SPTBN5: variants seen among roughly 807,000 people sequenced by gnomAD.
SPTBN5 encodes spectrin beta chain, non-erythrocytic 5.
SPTBN5 carries 513 observed loss-of-function variants against 477.6 expected under a neutral mutation model. The ratio of observed to expected loss-of-function variants is 1.07; its 90% CI spans 1.00 to 1.16. The LOEUF is 1.16. Ranked by LOEUF, SPTBN5 falls within the 50% of genes most tolerant of loss-of-function variation. The pLI, the probability that SPTBN5 is intolerant of heterozygous loss-of-function variation, is 0.00. For missense variants in SPTBN5, 5,062 were observed against 4,731.8 expected, an observed-to-expected ratio of 1.07 and a Z score of -2.05; for synonymous variants, 2,169 against 2,011.7, an observed-to-expected ratio of 1.08 and a Z score of -2.09.
chr15:41,883,106 C>A lies in SPTBN5; in HGVS notation c.1782G>T (p.Gln594His). 1 of 1,610,524 alleles carries A rather than the reference C, an allele frequency of 6.2e-7. No homozygotes were observed. Among genetic ancestry groups the A allele is most frequent in the South Asian group, 1.1e-5 (1 of 90,326 alleles). Residue 594 changes from glutamine to histidine, a missense_variant, in exon 9 of 68, where the codon CAG (glutamine) becomes CAT (histidine). Gln to His is a conservative substitution (Grantham distance 24). Transcript: ENST00000320955. ...GGGAGGAGTCCAGCTCTGCTGTCTG[C>A]TGAGCAAGATGGCTCACATGGGCTC... Reference protein sequence around the residue: ...AHGAHVSHLAQQTAELDSSLG... With the variant: ...AHGAHVSHLAHQTAELDSSLG...
chr15:41,874,232 G>C, intron 24 of SPTBN5, 60 bp downstream of exon 24: 3 of 1,557,366 alleles, frequency 1.9e-6, no homozygotes, highest in Non-Finnish European at 2.6e-6. Flanking sequence ...TAGGGGCAGA[G>C]GGTTTCTAAG....
intron 67 of SPTBN5, among the ~76,000 whole-genome samples, chr15:41,849,467 C>A (rs1421028686): frequency 6.6e-6 from 1 of 152,084 alleles, no homozygotes; most frequent in Admixed American, 6.5e-5. Context: ...ATGTGCTGTG[C>A]CTTGGAGAGG....
intron 39 of SPTBN5, among the ~76,000 whole-genome samples, 175 bp from the exon 40 acceptor site, chr15:41,864,199 C>T (rs900920193): frequency 5.3e-5 from 8 of 152,336 alleles, no homozygotes; most frequent in Admixed American, 2.0e-4. Flanking sequence ...GAGGTCACCC[C>T]GTCCAGGTGA....
At position 41,875,515 on chromosome 15, in the gene SPTBN5, C is replaced by A. The variant is rs1311978908; in HGVS notation, c.4230G>T (p.Glu1410Asp). Residue 1410 changes from glutamate (E) to aspartate (D), a missense_variant, in exon 22 of 68, where the codon GAG (glutamate) becomes GAT (aspartate). By Grantham distance (45) the Glu-to-Asp change is conservative. Transcript: ENST00000320955. Reference protein sequence around the residue: ...KWEALNRKMTERGDELQQAGQ... With the variant: ...KWEALNRKMTDRGDELQQAGQ... ...CAGCCTGCTGGAGCTCGTCCCCACG[C>A]TCAGTCATCTTGCGGTTCAAAGCTT... 5.0e-6 allele frequency: 8 copies of A among 1,612,654 alleles called. No individual in the cohort carries two copies. Among genetic ancestry groups the A allele is most frequent in the Non-Finnish European group, 6.8e-6 (8 of 1,179,482 alleles).
intron 41 of SPTBN5, among the ~76,000 whole-genome samples, chr15:41,863,487 C>T (rs1466168716): frequency 6.6e-6 from 1 of 152,206 alleles, no homozygotes; most frequent in East Asian, 1.9e-4. Flanking sequence ...GGGAATCCCC[C>T]ACTGAGCTCG....
At chr15:41,850,960 T>G in intron 65 of SPTBN5, 21 bp from the exon 66 acceptor site, 1 of 1,595,166 alleles carries the variant, frequency 6.3e-7, no homozygotes. Context: ...CAGTCACAGG[T>G]CAAACTCCAC....
intron 29 of SPTBN5, 86 bp from the exon 30 acceptor site, chr15:41,870,646 C>T (rs1173720599): frequency 4.4e-6 from 5 of 1,136,356 alleles, no homozygotes; most frequent in Non-Finnish European, 6.3e-6. Flanking sequence ...TCAGCCCGCT[C>T]CTCTCTGAGT....
rs369795370 is a variant in SPTBN5, at chr15:41,852,845, G to A, written c.10326C>T (p.Leu3442=). Residue 3442 remains leucine, a synonymous_variant, in exon 60 of 68, where the codon CTC becomes CTT. Transcript: ENST00000320955. The part of the protein sequence containing the change: ...AEAWLACWEG[L]LLKPDYGHSV... ...TCACCCCATAGTCGGGCTTCAGCAG[G>A]AGTCCCTCCCAGCAGGCCAGCCAGG... 4.1e-5 allele frequency: 66 copies of A among 1,606,814 alleles called. No homozygotes were observed. The African/African-American group carries it at 5.9e-4, about 14-fold the overall frequency.
chr15:41,857,114 T>G, intron 51 of SPTBN5, 75 bp from the exon 52 acceptor site: 1 of 1,525,144 alleles, frequency 6.6e-7, no homozygotes, highest in East Asian at 2.4e-5. Context: ...GTGACACAGA[T>G]CACCCAGCTG....
chr15:41,859,071 C>T (rs2066015115), intron 47 of SPTBN5, 91 bp from the exon 48 acceptor site: 7 of 997,122 alleles, frequency 7.0e-6, no homozygotes, highest in Non-Finnish European at 9.8e-6. Context: ...TATGAATATA[C>T]TCTGAGTCTG....
At chr15:41,886,782 G>A (rs1353933535) in intron 6 of SPTBN5, among the ~76,000 whole-genome samples, 1 of 152,152 alleles carries the variant, frequency 6.6e-6, no homozygotes, top group Non-Finnish European at 1.5e-5. Flanking sequence ...GCACTTCCAG[G>A]CCTTAGCCTC....
intron 26 of SPTBN5, 96 bp downstream of exon 26, chr15:41,873,396 G>T: frequency 1.1e-6 from 1 of 937,776 alleles, no homozygotes; most frequent in Non-Finnish European, 1.6e-6. Flanking sequence ...AGCAAGAGCA[G>T]GGCTCCGTGC....
At chr15:41,879,119 G>C (rs1467882358) in intron 16 of SPTBN5, 141 bp downstream of exon 16, 4 of 1,003,838 alleles carry the variant, frequency 4.0e-6, no homozygotes, top group Non-Finnish European at 5.7e-6. Flanking sequence ...ATTTTCTCCT[G>C]ATCATCCCCC....
intron 7 of SPTBN5, among the ~76,000 whole-genome samples, chr15:41,885,005 T>C (rs1245668564): frequency 2.6e-5 from 4 of 152,174 alleles, no homozygotes; most frequent in Non-Finnish European, 4.4e-5. Flanking sequence ...GCACCTCATA[T>C]TCATTCCCCT....
At chr15:41,887,840 G>T in intron 5 of SPTBN5, 88 bp downstream of exon 5, 1 of 1,337,170 alleles carries the variant, frequency 7.5e-7, no homozygotes, top group Non-Finnish European at 1.0e-6. Flanking sequence ...CAAGCCTAGG[G>T]ATGTGGGAGA....
Position 41,874,436 on chromosome 15 carries a change from C to T in SPTBN5, c.4545G>A (p.Gln1515=), listed in dbSNP as rs1038296738. The stretch of plus-strand genomic sequence containing the variant: ...GGTGCAGCTCCACTGAGGCCTGCAG[C>T]TGCAGGCCCCGGATGGCCAGATGCC... The part of the protein sequence containing the change: ...LQGHLAIRGL[Q]LQASVELHQF... The change falls in exon 24 of 68, where the codon CAG becomes CAA. Residue 1515 remains glutamine (Q), a synonymous_variant. Transcript: ENST00000320955. The T allele has an allele frequency of 6.2e-7, 1 of 1,612,504 alleles. No individual in the cohort carries two copies. Among genetic ancestry groups the T allele is most frequent in the South Asian group, 1.1e-5 (1 of 91,038 alleles).
At chr15:41,864,149 G>A in intron 39 of SPTBN5, 125 bp from the exon 40 acceptor site, 2 of 801,962 alleles carry the variant, frequency 2.5e-6, no homozygotes, top group African/African-American at 1.7e-5. Context: ...TGGGCAGTGG[G>A]AAGAACTGCC....
rs780576580 is a variant in SPTBN5 at position 41,858,932 on chromosome 15, C to A, written c.8037G>T (p.Glu2679Asp). ...GGAAGGCCTGCAGCTGCCGGAGCTC[C>A]TCCAGGCGATGGCGGCGGGTCCCGG... The part of the protein sequence containing the change: ...RQAGTRRHRL[E>D]ELRQLQAFLQ... Residue 2679 changes from glutamate (E) to aspartate (D), a missense_variant, in exon 48 of 68, where the codon GAG (glutamate) becomes GAT (aspartate). Coordinates refer to ENST00000320955, the MANE Select transcript of SPTBN5 (RefSeq NM_016642.4). 3 of 1,596,188 alleles carry A rather than the reference C, an allele frequency of 1.9e-6. No homozygotes were observed. The South Asian group carries it at 3.4e-5, about 18-fold the overall frequency.
chr15:41,879,686 G>T, intron 15 of SPTBN5, 48 bp downstream of exon 15: 1 of 1,608,288 alleles, frequency 6.2e-7, no homozygotes, highest in South Asian at 1.1e-5. Flanking sequence ...CCCAGGCTGG[G>T]CACTGTGTCT....
Sources: allele counts gnomAD v4.1 joint callset (sites outside exome capture counted in the v4.1 genomes callset), GRCh38; gene constraint gnomAD v4.1.1; transcripts MANE v1.5; gene names NCBI Gene and HGNC (gene_info 2026-07-23, HGNC 2026-07-21).